Variants in NAALADL2 observed in about 807,000 individuals in gnomAD.
NAALADL2 encodes N-acetylated alpha-linked acidic dipeptidase like 2.
A neutral mutation model predicts 87.2 loss-of-function variants in NAALADL2; 76 were observed. That is an observed-to-expected ratio of 0.87 (90% CI 0.72 to 1.05). NAALADL2 has a LOEUF of 1.05. Among genes scored for constraint, NAALADL2 ranks in the 50% least tolerant of loss-of-function variants. NAALADL2 has a pLI of 0.00. For missense variants in NAALADL2, 1,089 were observed against 945.8 expected (o/e 1.15, Z -1.99); for synonymous variants, 354 against 331.0 (o/e 1.07, Z -0.75).
chr3:175,495,855 A>C (rs1328535193), intron 9 of NAALADL2, among the ~76,000 whole-genome samples: 1 of 152,058 alleles, frequency 6.6e-6, no homozygotes, highest in Non-Finnish European at 1.5e-5. Context: ...TTTTTTAGAA[A>C]ACGGTTTTAT....
intron 1 of NAALADL2, among the ~76,000 whole-genome samples, chr3:175,053,128 A>G (rs1440745717): frequency 6.6e-6 from 1 of 152,214 alleles, no homozygotes; most frequent in Non-Finnish European, 1.5e-5. Flanking sequence ...GGTATGCCTC[A>G]ATTTTAGGAG....
At chr3:175,168,069 T>C (rs1011085313) in intron 2 of NAALADL2, among the ~76,000 whole-genome samples, 3 of 151,924 alleles carry the variant, frequency 2.0e-5, no homozygotes, top group Non-Finnish European at 4.4e-5. Context: ...ACGTTTCCAC[T>C]TTATTATTAT....
intron 11 of NAALADL2, among the ~76,000 whole-genome samples, chr3:175,693,106 A>G (rs996849496): frequency 3.9e-5 from 6 of 152,146 alleles, no homozygotes; most frequent in Non-Finnish European, 8.8e-5. Context: ...AGATTTTCTC[A>G]CCCATTGCAA....
chr3:174,485,010 C>G lies in NAALADL2; in HGVS notation c.-184+43978C>G, dbSNP rs146895037. Among the ~76,000 whole-genome samples, 22 of 151,994 alleles carry G rather than the reference C, an allele frequency of 1.4e-4. No individual in the cohort carries two copies. In the East Asian group the frequency reaches 4.1e-3, roughly 28 times the overall value. The stretch of plus-strand genomic sequence containing the variant: ...ATGGAGCCGTAAATAATTGGGGTCC[C>G]AAAAATATAGAACACAGTTCTCCAT... On this transcript the variant is annotated intron_variant, in intron 1 of 3. Coordinates refer to the NAALADL2 transcript ENST00000434257.
chr3:175,602,767 C>A (rs1236465779), intron 10 of NAALADL2, among the ~76,000 whole-genome samples: 2 of 152,138 alleles, frequency 1.3e-5, no homozygotes, highest in African/African-American at 2.4e-5. Flanking sequence ...CAGAGATAGA[C>A]TAAAGCCAAT....
chr3:174,640,907 A>C (rs1477630473), intron 2 of NAALADL2, among the ~76,000 whole-genome samples: 1 of 152,124 alleles, frequency 6.6e-6, no homozygotes, highest in African/African-American at 2.4e-5. Context: ...AAGTCACCTG[A>C]GGAGGAATTA....
At chr3:174,612,850 TA>T (rs1366950541) in intron 2 of NAALADL2, among the ~76,000 whole-genome samples, 1 of 152,186 alleles carries the variant, frequency 6.6e-6, no homozygotes, top group Non-Finnish European at 1.5e-5. Context: ...ATGATACTTT[TA>T]AATGTTCATC....
intron 2 of NAALADL2, among the ~76,000 whole-genome samples, chr3:175,149,175 TTAGA>T (rs2108772024): frequency 6.6e-6 from 1 of 152,284 alleles, no homozygotes; most frequent in Non-Finnish European, 1.5e-5. Context: ...ACCTCCTTGG[TTAGA>T]TAGTTTTATT....
intron 5 of NAALADL2, among the ~76,000 whole-genome samples, chr3:175,426,395 C>T (rs1019999570): frequency 3.3e-5 from 5 of 152,008 alleles, no homozygotes; most frequent in East Asian, 1.9e-4. Flanking sequence ...AAATGACTTA[C>T]GTTGTATCAT....
intron 2 of NAALADL2, among the ~76,000 whole-genome samples, chr3:174,693,764 T>G (rs1560149628): frequency 6.6e-6 from 1 of 152,122 alleles, no homozygotes; most frequent in Non-Finnish European, 1.5e-5. Context: ...TAATGTGGCA[T>G]GGATAACAAT....
rs559983239 is a variant in NAALADL2 at position 174,732,265 on chromosome 3, T to C, written c.-114-5376T>C. On this transcript the variant is annotated intron_variant, in intron 2 of 3. Coordinates refer to the NAALADL2 transcript ENST00000434257. ...CAGTGTAATATAGTCTTGACACAAT[T>C]TGAGAGAAATGAAATGCTTAGGCTG... Among the ~76,000 whole-genome samples the C allele has an allele frequency of 8.5e-5, 13 of 152,260 alleles. No homozygotes were observed. The South Asian group carries it at 2.7e-3, about 32-fold the overall frequency.
At chr3:175,370,680 A>G (rs1043934794) in intron 5 of NAALADL2, among the ~76,000 whole-genome samples, 16 of 152,136 alleles carry the variant, frequency 1.1e-4, no homozygotes, top group African/African-American at 3.6e-4. Context: ...GGATGTGGCT[A>G]TTGTACTTGA....
intron 3 of NAALADL2, among the ~76,000 whole-genome samples, chr3:174,786,635 C>G (rs2109175907): frequency 6.6e-6 from 1 of 151,854 alleles, no homozygotes; most frequent in African/African-American, 2.4e-5. Context: ...AGAAACCATT[C>G]TGCTAATAAT....
At chr3:174,464,368 T>C (rs1716394845) in intron 1 of NAALADL2, among the ~76,000 whole-genome samples, 1 of 148,522 alleles carries the variant, frequency 6.7e-6, no homozygotes, top group Non-Finnish European at 1.5e-5. Flanking sequence ...TTTTTTAAAG[T>C]TGTTGGATTC....
intron 2 of NAALADL2, among the ~76,000 whole-genome samples, chr3:175,194,779 T>C (rs1738728865): frequency 6.6e-6 from 1 of 151,774 alleles, no homozygotes; most frequent in Non-Finnish European, 1.5e-5. Flanking sequence ...TTCAAGTTAT[T>C]AAGATTTTTT....
intron 3 of NAALADL2, among the ~76,000 whole-genome samples, chr3:174,800,762 G>A (rs1483747292): frequency 6.6e-6 from 1 of 152,222 alleles, no homozygotes; most frequent in African/African-American, 2.4e-5. Context: ...GCTATACCCT[G>A]CAAAGCCACA....
chr3:174,789,616 A>G lies in NAALADL2; in HGVS notation c.-9+51870A>G, dbSNP rs138145017. On this transcript the variant is annotated intron_variant, in intron 3 of 3. Coordinates refer to the NAALADL2 transcript ENST00000434257. ...AAAAACACAAGAAAACAAAACTAGA[A>G]CATGTTTTTAAAACAGCACCCAAGG... is the stretch of plus-strand genomic sequence containing the variant. Among the ~76,000 whole-genome samples the G allele has an allele frequency of 6.2e-3, 946 of 152,296 alleles. 8 individuals carry two copies. Among genetic ancestry groups the G allele is most frequent in the Middle Eastern group, 0.024 (7 of 294 alleles).
intron 3 of NAALADL2, among the ~76,000 whole-genome samples, chr3:174,793,722 C>G (rs1216339805): frequency 6.6e-6 from 1 of 151,962 alleles, no homozygotes; most frequent in Non-Finnish European, 1.5e-5. Flanking sequence ...GTGGCTATCT[C>G]TCTCATACAG....
intron 1 of NAALADL2, among the ~76,000 whole-genome samples, chr3:174,485,717 A>T (rs2108338819): frequency 6.6e-6 from 1 of 151,900 alleles, no homozygotes; most frequent in East Asian, 1.9e-4. Context: ...ACTTATTTTG[A>T]TTCTATGTCT....
Sources: allele counts gnomAD v4.1 joint callset (sites outside exome capture counted in the v4.1 genomes callset), GRCh38; gene constraint gnomAD v4.1.1; transcripts MANE v1.5; gene names NCBI Gene and HGNC (gene_info 2026-07-23, HGNC 2026-07-21).